Variants in DAB1 observed in about 807,000 individuals in gnomAD.
DAB1 encodes the protein disabled homolog 1.
A neutral mutation model predicts 64.6 loss-of-function variants in DAB1; 15 were observed. The observed-to-expected ratio is 0.23, with a 90% CI of 0.16 to 0.36. The LOEUF (loss-of-function observed/expected upper bound fraction) is 0.36, where lower values mean the gene tolerates loss of function less well. Among genes scored for constraint, DAB1 ranks in the 10% least tolerant of loss-of-function variants. The probability of loss-of-function intolerance (pLI) is 1.00; values close to 1 mark genes in which losing one functional copy is unlikely to be tolerated. For synonymous variants in DAB1, 235 were observed against 251.9 expected, an observed-to-expected ratio of 0.93 and a Z score of 0.64; for missense variants, 596 against 706.7, an observed-to-expected ratio of 0.84 and a Z score of 1.78.
At chr1:58,159,529 G>T (rs189499211) in intron 4 of DAB1, among the ~76,000 whole-genome samples, 80 of 152,254 alleles carry the variant, frequency 5.3e-4, no homozygotes, top group Non-Finnish European at 9.0e-4. Context: ...TGATATGGTG[G>T]TTATATGAGT....
At chr1:58,495,992 T>C (rs564155671) in intron 3 of DAB1, among the ~76,000 whole-genome samples, 4 of 152,270 alleles carry the variant, frequency 2.6e-5, no homozygotes, top group South Asian at 2.1e-4. Flanking sequence ...GGGCTTCCCA[T>C]GGATGATACT....
intron 3 of DAB1, among the ~76,000 whole-genome samples, chr1:58,379,575 A>G (rs1644368918): frequency 6.6e-6 from 1 of 152,252 alleles, no homozygotes; most frequent in African/African-American, 2.4e-5. Context: ...TTAGATGAAA[A>G]GTAGACAAAT....
chr1:58,118,503 T>TATATACACACACACACAC (rs1341446315), intron 5 of DAB1, among the ~76,000 whole-genome samples: 2 of 53,124 alleles, frequency 3.8e-5, no homozygotes, highest in Non-Finnish European at 5.8e-5. Flanking sequence ...TATATATATA[T>TATATACACACACACACAC]ACACACACAC....
At chr1:58,540,412 A>T (rs1646588132) in intron 1 of DAB1, among the ~76,000 whole-genome samples, 1 of 152,120 alleles carries the variant, frequency 6.6e-6, no homozygotes, top group South Asian at 2.1e-4. Flanking sequence ...AGAAATATCA[A>T]TCAGTGGAAA....
intron 1 of DAB1, among the ~76,000 whole-genome samples, chr1:57,364,206 G>C (rs1213577301): frequency 7.9e-5 from 12 of 152,150 alleles, no homozygotes; most frequent in Non-Finnish European, 2.9e-5. Context: ...AGAGAAGCGA[G>C]CACTGTCCCA....
At chr1:57,682,872 G>A (rs1646652628) in intron 6 of DAB1, among the ~76,000 whole-genome samples, 1 of 152,186 alleles carries the variant, frequency 6.6e-6, no homozygotes, top group African/African-American at 2.4e-5. Context: ...CTGCAGGACT[G>A]GGATGTCTAT....
At chr1:57,859,693 T>G (rs1201667355) in intron 1 of DAB1, among the ~76,000 whole-genome samples, 1 of 152,230 alleles carries the variant, frequency 6.6e-6, no homozygotes, top group Non-Finnish European at 1.5e-5. Context: ...AACATTTTCA[T>G]CTTTCCTGAT....
At chr1:58,293,440 A>G (rs1457172366) in intron 4 of DAB1, among the ~76,000 whole-genome samples, 1 of 152,216 alleles carries the variant, frequency 6.6e-6, no homozygotes, top group Non-Finnish European at 1.5e-5. Context: ...ATACCTTCCT[A>G]GAGCAGCCTC....
chr1:57,788,556 G>A (rs1440153689), intron 6 of DAB1, among the ~76,000 whole-genome samples: 2 of 151,896 alleles, frequency 1.3e-5, no homozygotes, highest in African/African-American at 4.8e-5. Context: ...GAAGTATGAG[G>A]GAACCAACTT....
rs954860881 is a variant in DAB1 at position 58,498,605 on chromosome 1, T to C, written n.257+7455A>G. Among the ~76,000 whole-genome samples, 8 of 152,226 alleles carry C rather than the reference T, an allele frequency of 5.3e-5. 1 individual carries two copies. In the East Asian group the frequency reaches 1.6e-3, roughly 30 times the overall value. ...CAAGGATAATGCCTATATGGCTACT[T>C]ATTAACAGAACAAAAACTCTATAAA... On this transcript the variant is annotated intron_variant and non_coding_transcript_variant, in intron 3 of 20. Transcript: ENST00000485760.
chr1:57,948,280 G>A (rs1645213910), intron 5 of DAB1, among the ~76,000 whole-genome samples: 2 of 152,182 alleles, frequency 1.3e-5, no homozygotes, highest in South Asian at 4.1e-4. Context: ...GAAAGGACTG[G>A]AAAAAATAAG....
chr1:57,150,183 TA>T (rs1251114194), intron 2 of DAB1, among the ~76,000 whole-genome samples: 3 of 152,236 alleles, frequency 2.0e-5, no homozygotes, highest in Non-Finnish European at 4.4e-5. Flanking sequence ...GTATAGATAC[TA>T]ATGGGTGCTC....
intron 1 of DAB1, among the ~76,000 whole-genome samples, chr1:57,338,143 C>T (rs1023216475): frequency 1.3e-5 from 2 of 152,054 alleles, no homozygotes; most frequent in Non-Finnish European, 2.9e-5. Context: ...CACCACCACA[C>T]CTGGCTAATT....
intron 3 of DAB1, among the ~76,000 whole-genome samples, chr1:58,500,222 A>C (rs1398605369): frequency 1.3e-5 from 2 of 152,130 alleles, no homozygotes; most frequent in African/African-American, 2.4e-5. Context: ...TGTTACTGTC[A>C]GGCTTCCTGG....
intron 6 of DAB1, among the ~76,000 whole-genome samples, chr1:57,795,690 G>GATATAGAT (rs1650813700): frequency 2.0e-4 from 14 of 69,100 alleles, no homozygotes; most frequent in Non-Finnish European, 3.7e-4. Flanking sequence ...TATGCTTGGA[G>GATATAGAT]ATATATATAT....
intron 6 of DAB1, among the ~76,000 whole-genome samples, chr1:57,795,716 T>TATATATATACATATATATATATAC (rs1361236254): frequency 1.5e-5 from 2 of 134,358 alleles, no homozygotes; most frequent in East Asian, 4.9e-4. Context: ...TATATATATA[T>TATATATATACATATATATATATAC]ATATATATAT....
At chr1:57,598,358 CTTTGCTG>C (rs1484983099) in intron 7 of DAB1, among the ~76,000 whole-genome samples, 1 of 152,270 alleles carries the variant, frequency 6.6e-6, no homozygotes, top group Admixed American at 6.5e-5. Flanking sequence ...TCCGTTACTC[CTTTGCTG>C]TGTGCCCCTT....
intron 5 of DAB1, among the ~76,000 whole-genome samples, chr1:58,086,056 C>CGGGT (rs1557643915): frequency 2.7e-5 from 4 of 149,108 alleles, no homozygotes; most frequent in South Asian, 2.2e-4. Context: ...CTCCGCCTCC[C>CGGGT]AGGTTCACGC....
At chr1:58,407,175 C>G (rs1644624432) in intron 3 of DAB1, among the ~76,000 whole-genome samples, 1 of 152,162 alleles carries the variant, frequency 6.6e-6, no homozygotes, top group Non-Finnish European at 1.5e-5. Context: ...TTTGTCTTCT[C>G]CCTAGCCCCA....
Sources: gnomAD v4.1 joint callset for allele counts (sites outside exome capture counted in the v4.1 genomes callset) on GRCh38, gnomAD v4.1.1 for gene constraint, MANE v1.5 for transcripts, NCBI Gene and HGNC (gene_info 2026-07-23, HGNC 2026-07-21) for gene names.